JAG2: variants seen among roughly 807,000 people sequenced by gnomAD.
JAG2 encodes jagged canonical Notch ligand 2.
A neutral mutation model predicts 141.7 loss-of-function variants in JAG2; 46 were observed. The observed-to-expected ratio is 0.32, with a 90% CI of 0.26 to 0.42. JAG2 has a LOEUF of 0.42. Ranked by LOEUF, JAG2 falls within the 10% of genes least tolerant of loss-of-function variation. The probability of loss-of-function intolerance (pLI) is 1.00; values close to 1 mark genes in which losing one functional copy is unlikely to be tolerated. For synonymous variants in JAG2, 862 were observed against 763.5 expected (o/e 1.13, Z -2.13); for missense variants, 1,500 against 1,817.5 (o/e 0.83, Z 3.18).
At position 105,142,672 on chromosome 14, in the gene JAG2, C is replaced by G; in HGVS notation, c.*23G>C. ...ATGGCTCCCACCGAGGGCCCTGGGT[C>G]CCGGCCCAGCTGGCAGCCGCCCCTA... On this transcript the variant is annotated 3_prime_UTR_variant, in exon 26 of 26. Transcript: ENST00000331782. 1 of 1,566,960 alleles carries G rather than the reference C, an allele frequency of 6.4e-7. No homozygotes were observed. The highest frequency in any genetic ancestry group is 8.7e-7 in the Non-Finnish European group (1 of 1,153,222).
In JAG2 at chr14:105,155,772, G is replaced by A. The variant is rs767876323; in HGVS notation, c.693C>T (p.Cys231=). Residue 231 remains cysteine, a synonymous_variant, in exon 4 of 26, where the codon TGC becomes TGT. Transcript: ENST00000331782. ...ACTCCTTGCCCATCCAGCCGTCCATGCAGGCCTTGTTGCCGTACTGGTCGC... is the reference window on the plus strand; with the variant it reads ...ACTCCTTGCCCATCCAGCCGTCCATACAGGCCTTGTTGCCGTACTGGTCGC... ...YTCDQYGNKA[C]MDGWMGKECK... 5 of 1,612,862 alleles carry A rather than the reference G, an allele frequency of 3.1e-6. No homozygotes were observed. Among genetic ancestry groups the A allele is most frequent in the Non-Finnish European group, 3.4e-6 (4 of 1,179,934 alleles).
Position 105,168,010 on chromosome 14 carries a change from C to T in JAG2, c.164G>A (p.Arg55Gln), listed in dbSNP as rs1466089682. The T allele has an allele frequency of 1.3e-6, 2 of 1,599,088 alleles. No homozygotes were observed. Among genetic ancestry groups the T allele is most frequent in the East Asian group, 2.3e-5 (1 of 44,422 alleles). The change falls in exon 2 of 26, where the codon CGG becomes CAG. Residue 55 changes from arginine to glutamine, a missense_variant. Transcript: ENST00000331782. ...GCCGCAGCCCCCCGCGCGCGTTGTC[C>T]GGCCGTCGCCGTCACAGCAGGCGCC... ...LSGACCDGDG[R>Q]TTRAGGCGHD...
intron 20 of JAG2, 36 bp from the exon 21 acceptor site, chr14:105,146,760 G>C: frequency 6.5e-7 from 1 of 1,528,950 alleles, no homozygotes; most frequent in Non-Finnish European, 9.0e-7. Context: ...GTGCAGTGAG[G>C]CCAACGCCCA....
chr14:105,167,730 G>A lies in JAG2; in HGVS notation c.417+27C>T. On this transcript the variant is annotated intron_variant, in intron 2 of 25. Transcript: ENST00000331782. The surrounding 1 kb of genome is among the most constrained non-coding windows in gnomAD (Gnocchi z 4.8). ...GGGCGCGGAGAGAGAGGGAAGGGCT[G>A]GAGCACGAGGGATGGAGCGCACGTA... The A allele has an allele frequency of 7.0e-7, 1 of 1,430,476 alleles. No homozygotes were observed. The highest frequency in any genetic ancestry group is 2.6e-5 in the Admixed American group (1 of 38,022). 88.6% of individuals were successfully genotyped at this position (1,430,476 alleles called of 1,614,324 possible). A position where few individuals can be genotyped will look rare whatever the true frequency, so the allele number is the denominator to read the frequency against.
chr14:105,152,857 G>T (rs587623670), intron 5 of JAG2, among the ~76,000 whole-genome samples: 1 of 152,276 alleles, frequency 6.6e-6, no homozygotes, highest in East Asian at 1.9e-4. Context: ...CCCTGCCCAG[G>T]GTAGTTCCTG....
chr14:105,151,183 C>CCCAGCAGCG (rs1228545414), intron 9 of JAG2, 79 bp from the exon 10 acceptor site: 14 of 1,368,136 alleles, frequency 1.0e-5, no homozygotes, highest in Non-Finnish European at 1.4e-5. Flanking sequence ...GCACCCGCAG[C>CCCAGCAGCG]CCAGCAGCCC....
intron 3 of JAG2, among the ~76,000 whole-genome samples, chr14:105,156,406 G>A (rs1240416517): frequency 6.6e-6 from 1 of 152,108 alleles, no homozygotes; most frequent in East Asian, 1.9e-4. Context: ...TCGACAGCAC[G>A]GACATGGTGC....
At position 105,141,554 on chromosome 14, in the gene JAG2, C is replaced by T. The variant is rs951125844; in HGVS notation, c.*1141G>A. 5.9e-5 allele frequency: 9 copies of T among 152,188 alleles called. No individual in the cohort carries two copies. The highest frequency in any genetic ancestry group is 1.0e-4 in the Non-Finnish European group (7 of 68,050). 9.4% of individuals were successfully genotyped at this position (152,188 alleles called of 1,614,324 possible). ...TGCATCCACCACCTTGGCATGCCAA[C>T]GCATTCGAGGCCCTGGCAGGCCCCG... On this transcript the variant is annotated 3_prime_UTR_variant, in exon 26 of 26. Coordinates refer to ENST00000331782, the MANE Select transcript of JAG2 (RefSeq NM_002226.5).
intron 2 of JAG2, among the ~76,000 whole-genome samples, chr14:105,165,879 T>C (rs2140997285): frequency 6.6e-6 from 1 of 152,368 alleles, no homozygotes; most frequent in African/African-American, 2.4e-5. Flanking sequence ...CACAGCCAAG[T>C]ACACCTCAGC....
chr14:105,158,614 A>G (rs587703256), intron 2 of JAG2, among the ~76,000 whole-genome samples: 8 of 151,750 alleles, frequency 5.3e-5, no homozygotes, highest in Admixed American at 5.2e-4. Context: ...GACAGGTGGG[A>G]CCCCCGGGAC....
Position 105,151,885 on chromosome 14 carries a change from C to T in JAG2, c.1039+53G>A, listed in dbSNP as rs2140980607. On this transcript the variant is annotated intron_variant, in intron 7 of 25. Transcript: ENST00000331782. The stretch of plus-strand genomic sequence containing the variant: ...GAGGGATGGGGCCTGACCGGCTCCC[C>T]AGGGAACCAGTCCCTGCCTGGCCAG... The T allele has an allele frequency of 1.9e-6, 3 of 1,611,704 alleles. No homozygotes were observed. In the East Asian group the frequency reaches 6.7e-5, roughly 36 times the overall value.
At chr14:105,164,017 A>AT (rs587710520) in intron 2 of JAG2, among the ~76,000 whole-genome samples, 1 of 152,158 alleles carries the variant, frequency 6.6e-6, no homozygotes, top group South Asian at 2.1e-4. Context: ...TGCTCCCCTC[A>AT]TAAAGACACC....
intron 3 of JAG2, among the ~76,000 whole-genome samples, chr14:105,156,626 A>C (rs1230187873): frequency 6.6e-6 from 1 of 152,144 alleles, no homozygotes; most frequent in African/African-American, 2.4e-5. Flanking sequence ...AAAGTCCGTG[A>C]TGCCGGTCCC....
At chr14:105,147,730 G>T in intron 18 of JAG2, 42 bp downstream of exon 18, 1 of 1,388,372 alleles carries the variant, frequency 7.2e-7, no homozygotes, top group Non-Finnish European at 1.0e-6. Context: ...TGTCATCTGG[G>T]TGGAGGAAAG....
rs587675104 is a variant in JAG2, at chr14:105,150,721, G to A, written c.1485C>T (p.Cys495=). Residue 495 remains cysteine (C), a synonymous_variant, in exon 12 of 26, where the codon TGC becomes TGT. Coordinates refer to ENST00000331782, the MANE Select transcript of JAG2 (RefSeq NM_002226.5). ...TGGCACACTCGTCTCGTTCCAGCTC[G>A]CAATGCCGGCCTCCGAAGCCCCGTG... is the stretch of plus-strand genomic sequence containing the variant. The part of the protein sequence containing the change: ...VCPRGFGGRH[C]ELERDECASS... 3.0e-5 allele frequency: 47 copies of A among 1,572,560 alleles called. No homozygotes were observed. The highest frequency in any genetic ancestry group is 2.2e-4 in the Admixed American group (12 of 53,876).
chr14:105,157,281 T>C (rs1378020139), intron 3 of JAG2, among the ~76,000 whole-genome samples: 1 of 152,130 alleles, frequency 6.6e-6, no homozygotes, highest in Non-Finnish European at 1.5e-5. Context: ...TCCCTTGGCC[T>C]GTGGGTGCTT....
Position 105,148,947 on chromosome 14 carries a change from G to T in JAG2, c.1896C>A (p.Tyr632Ter). The change falls in exon 14 of 26, where the codon TAC becomes TAA. Residue 632 changes from tyrosine to a stop codon, truncating the protein, a stop_gained. Transcript: ENST00000331782. LOFTEE classifies it high-confidence loss of function. ...CICDSGFTGT[Y>*]CHENIDDCLG... Reference sequence around the variant, plus strand: ...TTCGTGGCCACTCACTCTCATGGCAGTAGGTGCCAGTAAAGCCACTGTCAC... The same window carrying T: ...TTCGTGGCCACTCACTCTCATGGCATTAGGTGCCAGTAAAGCCACTGTCAC... 6.2e-7 allele frequency: 1 copy of T among 1,606,456 alleles called. No individual in the cohort carries two copies. The highest frequency in any genetic ancestry group is 8.5e-7 in the Non-Finnish European group (1 of 1,177,172).
rs1369693089 is a variant in JAG2 at position 105,148,320 on chromosome 14, A to G, written c.2134+6T>C. 9 of 1,600,434 alleles carry G rather than the reference A, an allele frequency of 5.6e-6. No homozygotes were observed. In the Admixed American group the frequency reaches 1.5e-4, roughly 27 times the overall value. On this transcript the variant is annotated splice_donor_region_variant and intron_variant, in intron 16 of 25. Transcript: ENST00000331782. ...CCCCAGGCGGCCAGGGCCTGCGGAC[A>G]CTCACGTGAGTGGCAGGTCTTGCCC...
In JAG2 at chr14:105,155,726, C is replaced by A. The variant is rs747918359; in HGVS notation, c.727+12G>T. On this transcript the variant is annotated intron_variant, in intron 4 of 25. Transcript: ENST00000331782. ...CCTCCCTGCCCTCCACGCAGCCCAGCGGCCCCCTCACCTTCCTTGCACTCC... is the reference window on the plus strand; with the variant it reads ...CCTCCCTGCCCTCCACGCAGCCCAGAGGCCCCCTCACCTTCCTTGCACTCC... 2.5e-6 allele frequency: 4 copies of A among 1,612,656 alleles called. No individual in the cohort carries two copies. The highest frequency in any genetic ancestry group is 2.5e-6 in the Non-Finnish European group (3 of 1,179,850).
Sources: allele counts gnomAD v4.1 joint callset (sites outside exome capture counted in the v4.1 genomes callset), GRCh38; gene constraint gnomAD v4.1.1; non-coding constraint Gnocchi (gnomAD v3.1); transcripts MANE v1.5; gene names NCBI Gene and HGNC (gene_info 2026-07-23, HGNC 2026-07-21).